Variants in PUM3 observed in about 807,000 individuals in gnomAD.
PUM3 encodes the protein pumilio RNA binding family member 3.
A neutral mutation model predicts 84.0 loss-of-function variants in PUM3; 91 were observed. The ratio of observed to expected loss-of-function variants is 1.08; its 90% CI spans 0.91 to 1.29. The LOEUF (loss-of-function observed/expected upper bound fraction) is 1.29. Among genes scored for constraint, PUM3 ranks in the 50% most tolerant of loss-of-function variants. The pLI, the probability that PUM3 is intolerant of heterozygous loss-of-function variation, is 0.00. For missense variants in PUM3, 1,067 were observed against 767.5 expected (o/e 1.39, Z -4.61); for synonymous variants, 321 against 266.7 (o/e 1.20, Z -1.98).
chr9:2,815,165 C>T (rs1446535115), intron 13 of PUM3, among the ~76,000 whole-genome samples: 1 of 152,144 alleles, frequency 6.6e-6, no homozygotes, highest in Non-Finnish European at 1.5e-5. Context: ...TAAAAGAATG[C>T]ATGTTTATAA....
In PUM3 at chr9:2,824,783, G is replaced by T. The variant is rs1815764588; in HGVS notation, c.1068C>A (p.Val356=). 1 of 1,583,096 alleles carries T rather than the reference G, an allele frequency of 6.3e-7. No individual in the cohort carries two copies. The highest frequency in any genetic ancestry group is 1.3e-5 in the African/African-American group (1 of 74,550). ...EMIEAIREAV[V]YLAHTHDGAR... ...CGCCATCGTGTGTGTGTGCCAGGTA[G>T]ACCACCGCTTCGCGGATGGCTTCAA... The change falls in exon 11 of 18, where the codon GTC becomes GTA. Residue 356 remains valine (V), a synonymous_variant. Coordinates refer to ENST00000397885, the MANE Select transcript of PUM3 (RefSeq NM_014878.5).
chr9:2,812,743 G>A (rs184750796), intron 13 of PUM3, among the ~76,000 whole-genome samples: 4 of 152,066 alleles, frequency 2.6e-5, no homozygotes, highest in Admixed American at 1.3e-4. Flanking sequence ...TAGCATTACT[G>A]AACAACTCAT....
intron 13 of PUM3, among the ~76,000 whole-genome samples, chr9:2,817,878 T>A (rs969590255): frequency 2.0e-5 from 3 of 148,036 alleles, no homozygotes; most frequent in African/African-American, 7.3e-5. Flanking sequence ...CAAACAGCAA[T>A]TGGCTAGTAT....
chr9:2,826,915 T>C (rs751009537), intron 10 of PUM3, among the ~76,000 whole-genome samples, 158 bp downstream of exon 10: 5 of 152,186 alleles, frequency 3.3e-5, no homozygotes, highest in Non-Finnish European at 7.3e-5. Context: ...TAAATGGAAT[T>C]AGCAAACGTG....
chr9:2,823,825 C>A lies in PUM3; in HGVS notation c.1144G>T (p.Val382Leu). Residue 382 changes from valine (V) to leucine (L), a missense_variant, in exon 12 of 18, where the codon GTG becomes TTG. Coordinates refer to ENST00000397885, the MANE Select transcript of PUM3 (RefSeq NM_014878.5). ...LWHGTPKDRK[V>L]IVKTMKTYVE... ...TAAGTCTTCATTGTTTTCACAATCA[C>A]TTTCCTGTCCTTAAAAAGGAAAGAT... 6.5e-7 allele frequency: 1 copy of A among 1,528,174 alleles called. No individual in the cohort carries two copies. The highest frequency in any genetic ancestry group is 8.9e-7 in the Non-Finnish European group (1 of 1,120,982). 94.7% of individuals were successfully genotyped at this position (1,528,174 alleles called of 1,614,324 possible). A position where few individuals can be genotyped will look rare whatever the true frequency, so the allele number is the denominator to read the frequency against.
intron 13 of PUM3, among the ~76,000 whole-genome samples, chr9:2,814,512 A>C (rs1357265824): frequency 6.6e-6 from 1 of 152,150 alleles, no homozygotes; most frequent in East Asian, 1.9e-4. Context: ...CACCAGGCCA[A>C]TCTATGTGTT....
At chr9:2,805,252 C>T (rs1821236422) in intron 17 of PUM3, among the ~76,000 whole-genome samples, 1 of 152,108 alleles carries the variant, frequency 6.6e-6, no homozygotes, top group South Asian at 2.1e-4. Context: ...AAAATAAGCC[C>T]GGCCTCTGCG....
At chr9:2,819,399 T>A (rs1821538601) in intron 13 of PUM3, among the ~76,000 whole-genome samples, 1 of 152,232 alleles carries the variant, frequency 6.6e-6, no homozygotes, top group East Asian at 1.9e-4. Flanking sequence ...GCCACTACAC[T>A]GGACTAGAAG....
At position 2,834,149 on chromosome 9, in the gene PUM3, G is replaced by A. The variant is rs754449386; in HGVS notation, c.322C>T (p.Pro108Ser). The stretch of plus-strand genomic sequence containing the variant: ...TTCTTTTTGAAGTCATCCCATTTGG[G>A]CTTCTTGGCTGCTGATTCTAGTTAT... The part of the protein sequence containing the change: ...GRSDESAAKK[P>S]KWDDFKKKKK... The change falls in exon 4 of 18, where the codon CCC becomes TCC. Residue 108 changes from proline (P) to serine (S), a missense_variant. Pro to Ser is a moderately conservative substitution (Grantham distance 74). Coordinates refer to ENST00000397885, the MANE Select transcript of PUM3 (RefSeq NM_014878.5). The A allele has an allele frequency of 2.8e-5, 45 of 1,611,614 alleles. No individual in the cohort carries two copies. Among genetic ancestry groups the A allele is most frequent in the East Asian group, 4.5e-5 (2 of 44,796 alleles).
chr9:2,828,685 T>C lies in PUM3; in HGVS notation c.946A>G (p.Met316Val), dbSNP rs376706931. ...MDEMKQILTP[M>V]AQKEAVIKHS... ...AAACAACTTTCTTACTTTTGGGCCATTGGAGTTAGAATCTGTTTCATTTCA... is the reference window on the plus strand; with the variant it reads ...AAACAACTTTCTTACTTTTGGGCCACTGGAGTTAGAATCTGTTTCATTTCA... The change falls in exon 9 of 18, where the codon ATG (methionine) becomes GTG (valine). Residue 316 changes from methionine (M) to valine (V), a missense_variant. Physicochemically the swap from Met to Val is conservative, Grantham distance 21. Coordinates refer to ENST00000397885, the MANE Select transcript of PUM3 (RefSeq NM_014878.5). The C allele has an allele frequency of 3.2e-5, 51 of 1,581,246 alleles. No individual in the cohort carries two copies. The highest frequency in any genetic ancestry group is 1.2e-4 in the South Asian group (11 of 90,084).
rs766993196 is a variant in PUM3, at chr9:2,828,755, G to C, written c.876C>G (p.Asp292Glu). ...TTTCTGGCTGTACCTCTAACACTTT[G>C]TCCAGAGTTCGGTGATCTGCTGACT... is the stretch of plus-strand genomic sequence containing the variant. ...LYKSADHRTLDKVLEVQPEKL... is the reference protein window; with the variant it reads ...LYKSADHRTLEKVLEVQPEKL... The change falls in exon 9 of 18, where the codon GAC (aspartate) becomes GAG (glutamate). Residue 292 changes from aspartate (D) to glutamate (E), a missense_variant. By Grantham distance (45) the Asp-to-Glu change is conservative (BLOSUM62 2). Coordinates refer to ENST00000397885, the MANE Select transcript of PUM3 (RefSeq NM_014878.5). 2 of 1,602,512 alleles carry C rather than the reference G, an allele frequency of 1.2e-6. No homozygotes were observed. The highest frequency in any genetic ancestry group is 1.7e-6 in the Non-Finnish European group (2 of 1,169,880).
intron 13 of PUM3, among the ~76,000 whole-genome samples, chr9:2,817,368 C>T (rs1821491478): frequency 6.6e-6 from 1 of 152,066 alleles, no homozygotes; most frequent in Non-Finnish European, 1.5e-5. Context: ...ATGGTTTTTA[C>T]ATTTCAAAAG....
In PUM3 at chr9:2,834,125, T is replaced by A; in HGVS notation, c.346A>T (p.Lys116Ter). The change falls in exon 4 of 18, where the codon AAG becomes TAG. Residue 116 changes from lysine to a stop codon, truncating the protein, a stop_gained. Transcript: ENST00000397885. LOFTEE classifies it high-confidence loss of function. ...KKPKWDDFKK[K>*]KKELKQSRQL... ...CTGCTTTGCTTCAGTTCTTTCTTCTTCTTTTTGAAGTCATCCCATTTGGGC... is the reference window on the plus strand; with the variant it reads ...CTGCTTTGCTTCAGTTCTTTCTTCTACTTTTTGAAGTCATCCCATTTGGGC... The A allele has an allele frequency of 6.2e-7, 1 of 1,613,724 alleles. No individual in the cohort carries two copies. The highest frequency in any genetic ancestry group is 8.5e-7 in the Non-Finnish European group (1 of 1,179,770).
chr9:2,810,308 A>G, intron 16 of PUM3, 36 bp downstream of exon 16: 3 of 1,347,330 alleles, frequency 2.2e-6, no homozygotes, highest in Non-Finnish European at 3.2e-6. Context: ...GGAATTCCAC[A>G]TGAGATACAA....
chr9:2,829,420 T>A (rs139649571), intron 8 of PUM3, among the ~76,000 whole-genome samples: 1 of 152,210 alleles, frequency 6.6e-6, no homozygotes, highest in African/African-American at 2.4e-5. Context: ...GAGAGCCCAA[T>A]ACACTTCAGC....
At position 2,811,361 on chromosome 9, in the gene PUM3, C is replaced by T. The variant is rs755165283; in HGVS notation, c.1635G>A (p.Glu545=). 3 of 1,613,736 alleles carry T rather than the reference C, an allele frequency of 1.9e-6. No individual in the cohort carries two copies. The highest frequency in any genetic ancestry group is 2.5e-6 in the Non-Finnish European group (3 of 1,179,946). The change falls in exon 15 of 18, where the codon GAG becomes GAA. Residue 545 remains glutamate, a splice_region_variant and synonymous_variant. Coordinates refer to ENST00000397885, the MANE Select transcript of PUM3 (RefSeq NM_014878.5). ...TGCCTGTGCTTTAATGGCACATTACCTCTCCGTCCTTGCCACCAGGATGCA... is the reference window on the plus strand; with the variant it reads ...TGCCTGTGCTTTAATGGCACATTACTTCTCCGTCCTTGCCACCAGGATGCA... The part of the protein sequence containing the change: ...TGLHPGGKDG[E]LHIAEHPAGH...
intron 1 of PUM3, among the ~76,000 whole-genome samples, chr9:2,843,226 G>A (rs1308387054): frequency 6.6e-6 from 1 of 152,012 alleles, no homozygotes; most frequent in Non-Finnish European, 1.5e-5. Flanking sequence ...CACTCTATCC[G>A]GCTAACTTTA....
rs71329449 is a variant in PUM3, at chr9:2,807,600, CAAAAAAAAA to C, written c.1814+205_1814+213del. Among the ~76,000 whole-genome samples, 130 of 67,112 alleles carry C rather than the reference CAAAAAAAAA, an allele frequency of 1.9e-3. 1 individual carries two copies. In the Middle Eastern group the frequency reaches 0.044, roughly 23 times the overall value. 44.0% of individuals were successfully genotyped at this position (67,112 alleles called of 152,430 possible). On this transcript the variant is annotated intron_variant, in intron 17 of 17. Transcript: ENST00000397885. Reference sequence around the variant, plus strand: ...CCTGGGTGACAGTGAGACTCCATCTCAAAAAAAAAAAAAAAAAAAAAAAAGATTCCTAAG... The same window carrying C: ...CCTGGGTGACAGTGAGACTCCATCTCAAAAAAAAAAAAAAAGATTCCTAAG...
At chr9:2,840,996 A>G (rs1816251566) in intron 1 of PUM3, among the ~76,000 whole-genome samples, 1 of 152,302 alleles carries the variant, frequency 6.6e-6, no homozygotes, top group Non-Finnish European at 1.5e-5. Flanking sequence ...GCACATACCT[A>G]TATTTATTTT....
Sources: gnomAD v4.1 joint callset for allele counts (sites outside exome capture counted in the v4.1 genomes callset) on GRCh38, gnomAD v4.1.1 for gene constraint, MANE v1.5 for transcripts, NCBI Gene and HGNC (gene_info 2026-07-23, HGNC 2026-07-21) for gene names.